Variants in KAZN observed in about 807,000 individuals in gnomAD.
KAZN encodes kazrin, periplakin interacting protein.
A neutral mutation model predicts 87.4 loss-of-function variants in KAZN; 40 were observed. The observed-to-expected ratio is 0.46, with a 90% CI of 0.36 to 0.60. The LOEUF is 0.60. Ranked by LOEUF, KAZN falls within the 20% of genes least tolerant of loss-of-function variation. The probability of loss-of-function intolerance (pLI) is 0.00; values close to 1 mark genes in which losing one functional copy is unlikely to be tolerated. For synonymous variants in KAZN, 466 were observed against 458.3 expected (o/e 1.02, Z -0.22); for missense variants, 898 against 1,073.9 (o/e 0.84, Z 2.29).
chr1:15,014,350 C>T (rs1669872095), intron 2 of KAZN, among the ~76,000 whole-genome samples: 1 of 152,146 alleles, frequency 6.6e-6, no homozygotes, highest in Non-Finnish European at 1.5e-5. Flanking sequence ...CCCTGCCCAC[C>T]TTGCAGGGTG....
intron 1 of KAZN, among the ~76,000 whole-genome samples, chr1:13,924,615 G>T (rs1640200789): frequency 6.6e-6 from 1 of 152,148 alleles, no homozygotes; most frequent in Non-Finnish European, 1.5e-5. Flanking sequence ...CCTTTGGAGA[G>T]GCTCATCAGA....
At chr1:14,219,813 T>C (rs1458748916) in intron 2 of KAZN, among the ~76,000 whole-genome samples, 1 of 152,178 alleles carries the variant, frequency 6.6e-6, no homozygotes, top group Non-Finnish European at 1.5e-5. Context: ...TTAAAAACCA[T>C]CAATTCACAT....
intron 2 of KAZN, among the ~76,000 whole-genome samples, chr1:15,000,735 A>C (rs1002141175): frequency 6.6e-6 from 1 of 151,982 alleles, no homozygotes; most frequent in Non-Finnish European, 1.5e-5. Flanking sequence ...TCTCTGCTGA[A>C]AAAGGCAGGG....
At chr1:14,685,043 C>T (rs1331715353) in intron 1 of KAZN, among the ~76,000 whole-genome samples, 1 of 152,134 alleles carries the variant, frequency 6.6e-6, no homozygotes, top group Non-Finnish European at 1.5e-5. Flanking sequence ...AAACTCGTAT[C>T]TGAGGCTCTC....
rs190479773 is a variant in KAZN at position 14,082,823 on chromosome 1, C to A, written c.92-97612C>A. On this transcript the variant is annotated intron_variant, in intron 1 of 16. Coordinates refer to the KAZN transcript ENST00000636203. ...ATCTGGTCAAGGCAGATTGGTCTCA[C>A]CTCTCTAAGTACCCCTCCCACTTTA... Among the ~76,000 whole-genome samples, 574 of 152,274 alleles carry A rather than the reference C, an allele frequency of 3.8e-3. 2 individuals are homozygous for A. Among genetic ancestry groups the A allele is most frequent in the Middle Eastern group, 6.8e-3 (2 of 294 alleles).
At chr1:14,229,829 A>G (rs571097142) in intron 2 of KAZN, among the ~76,000 whole-genome samples, 1 of 152,390 alleles carries the variant, frequency 6.6e-6, no homozygotes, top group South Asian at 2.1e-4. Flanking sequence ...TCTCTCTCGC[A>G]GGAGCGTTAG....
At chr1:14,524,938 G>A (rs1247985410) in intron 2 of KAZN, among the ~76,000 whole-genome samples, 2 of 152,182 alleles carry the variant, frequency 1.3e-5, no homozygotes, top group Non-Finnish European at 2.9e-5. Context: ...GACCCAGCAA[G>A]GTCTGGAGAG....
intron 1 of KAZN, among the ~76,000 whole-genome samples, chr1:14,736,320 C>T (rs1383499696): frequency 6.3e-5 from 8 of 126,314 alleles, no homozygotes; most frequent in African/African-American, 1.2e-4. Flanking sequence ...TTTTTTGAGA[C>T]GGAGTTTTGC....
intron 1 of KAZN, among the ~76,000 whole-genome samples, chr1:14,043,025 T>C (rs1190459893): frequency 6.6e-6 from 1 of 152,198 alleles, no homozygotes; most frequent in African/African-American, 2.4e-5. Context: ...ATCATCTCTG[T>C]AACCTTTTTA....
chr1:14,308,610 T>C (rs1392019512), intron 2 of KAZN, among the ~76,000 whole-genome samples: 2 of 152,156 alleles, frequency 1.3e-5, no homozygotes, highest in Non-Finnish European at 2.9e-5. Flanking sequence ...CTGGTGTAAA[T>C]CCTGGATCTG....
intron 2 of KAZN, chr1:14,349,232 G>C (rs1486481050): frequency 6.6e-6 from 1 of 152,210 alleles, no homozygotes; most frequent in Non-Finnish European, 1.5e-5. Flanking sequence ...GGGAGCCTGA[G>C]CCCAAGCCTG....
chr1:15,058,373 T>C (rs888628873), intron 5 of KAZN, among the ~76,000 whole-genome samples: 1 of 152,256 alleles, frequency 6.6e-6, no homozygotes, highest in Admixed American at 6.5e-5. Flanking sequence ...ACCCATCTTC[T>C]GTATTAGAGC....
At chr1:14,557,659 T>C (rs1001135677) in intron 2 of KAZN, among the ~76,000 whole-genome samples, 1 of 139,672 alleles carries the variant, frequency 7.2e-6, no homozygotes, top group Non-Finnish European at 1.6e-5. Context: ...TGTGTGTGTG[T>C]GTGTGTGGTG....
chr1:14,566,495 A>G (rs1475130972), intron 2 of KAZN, among the ~76,000 whole-genome samples: 1 of 152,250 alleles, frequency 6.6e-6, no homozygotes, highest in Non-Finnish European at 1.5e-5. Context: ...CACCAGCTGC[A>G]TTAGATGCTA....
At chr1:14,953,718 G>A (rs984635162) in intron 1 of KAZN, among the ~76,000 whole-genome samples, 7 of 152,018 alleles carry the variant, frequency 4.6e-5, no homozygotes, top group African/African-American at 1.2e-4. Flanking sequence ...ACAAACCTAC[G>A]ATTCACCAAG....
Position 14,966,147 on chromosome 1 carries a change from T to C in KAZN, c.418+5272T>C, listed in dbSNP as rs547036715. ...GGCACGCGCCACCATGCCCAGCTAA[T>C]TTTTGTATTTTTAGCAGAGACAGGA... On this transcript the variant is annotated intron_variant, in intron 2 of 14. Transcript: ENST00000376030. 2.0e-5 allele frequency among the ~76,000 whole-genome samples: 3 copies of C among 152,078 alleles called. No individual in the cohort carries two copies. The East Asian group carries it at 5.8e-4, about 29-fold the overall frequency.
chr1:14,780,221 G>A (rs1241440381), intron 1 of KAZN, among the ~76,000 whole-genome samples: 2 of 152,192 alleles, frequency 1.3e-5, no homozygotes, highest in Non-Finnish European at 2.9e-5. Context: ...TGCTCTCTGT[G>A]CAGCCCCTCT....
intron 2 of KAZN, among the ~76,000 whole-genome samples, chr1:14,355,155 T>C (rs1365848826): frequency 6.6e-6 from 1 of 152,138 alleles, no homozygotes; most frequent in Non-Finnish European, 1.5e-5. Flanking sequence ...TTAATTACAG[T>C]GTTAAAAATC....
chr1:14,544,350 C>CTTTCTTTTTTT (rs1553186409), intron 2 of KAZN, among the ~76,000 whole-genome samples: 3 of 98,122 alleles, frequency 3.1e-5, no homozygotes, highest in Non-Finnish European at 5.7e-5. Context: ...TTCTTTCTTT[C>CTTTCTTTTTTT]TTTTTTTTTT....
Sources: allele counts gnomAD v4.1 joint callset (sites outside exome capture counted in the v4.1 genomes callset), GRCh38; gene constraint gnomAD v4.1.1; transcripts MANE v1.5; gene names NCBI Gene and HGNC (gene_info 2026-07-23, HGNC 2026-07-21).